HSD17B6: variants seen among roughly 807,000 people sequenced by gnomAD.
HSD17B6 encodes 17-beta-hydroxysteroid dehydrogenase type 6.
HSD17B6 carries 16 observed loss-of-function variants against 26.4 expected under a neutral mutation model. That is an observed-to-expected ratio of 0.61 (90% confidence interval 0.41 to 0.92). The LOEUF (loss-of-function observed/expected upper bound fraction) is 0.92. Ranked by LOEUF, HSD17B6 falls within the 40% of genes least tolerant of loss-of-function variation. The pLI, the probability that HSD17B6 is intolerant of heterozygous loss-of-function variation, is 0.00. For synonymous variants in HSD17B6, 139 were observed against 153.0 expected (o/e 0.91, Z 0.68); for missense variants, 357 against 386.1 (o/e 0.92, Z 0.63).
At chr12:56,783,667 G>A (rs1477021158) in intron 3 of HSD17B6, among the ~76,000 whole-genome samples, 5 of 118,896 alleles carry the variant, frequency 4.2e-5, no homozygotes, top group East Asian at 2.2e-4. Context: ...CCTCTCGGAC[G>A]GGACGGCTGG....
intron 1 of HSD17B6, among the ~76,000 whole-genome samples, chr12:56,769,608 G>A (rs1330389081): frequency 1.3e-5 from 2 of 152,192 alleles, no homozygotes; most frequent in African/African-American, 4.8e-5. Context: ...ACAATATGAT[G>A]TAAGAAAGCT....
chr12:56,777,597 A>C (rs912416709), intron 2 of HSD17B6, among the ~76,000 whole-genome samples: 1 of 152,132 alleles, frequency 6.6e-6, no homozygotes, highest in Non-Finnish European at 1.5e-5. Flanking sequence ...TCCTGACCTC[A>C]GGTGATCCGC....
Position 56,783,862 on chromosome 12 carries a change from C to T in HSD17B6, c.573-991C>T, listed in dbSNP as rs531945124. 6.5e-4 allele frequency among the ~76,000 whole-genome samples: 98 copies of T among 151,922 alleles called. 1 individual carries two copies. The highest frequency in any genetic ancestry group is 2.2e-3 in the African/African-American group (93 of 41,464). On this transcript the variant is annotated intron_variant, in intron 3 of 4. Transcript: ENST00000322165. ...GGAGGGGGTGGCTGCCGGGCGGAGA[C>T]GCTCCTCACTTCCCAGACGGGGTGG...
At chr12:56,783,643 A>AC (rs374504055) in intron 3 of HSD17B6, among the ~76,000 whole-genome samples, 14 of 115,542 alleles carry the variant, frequency 1.2e-4, no homozygotes, top group South Asian at 5.9e-4. Flanking sequence ...TGGGGGGCTG[A>AC]CCCCCCCCAC....
intron 3 of HSD17B6, among the ~76,000 whole-genome samples, chr12:56,783,136 C>T (rs1384216724): frequency 4.6e-5 from 7 of 152,178 alleles, no homozygotes; most frequent in Admixed American, 6.5e-5. Context: ...CATCATGGCC[C>T]GTTCTCAATG....
At chr12:56,775,592 A>G (rs1238396771) in intron 2 of HSD17B6, among the ~76,000 whole-genome samples, 2 of 152,166 alleles carry the variant, frequency 1.3e-5, no homozygotes, top group Admixed American at 6.6e-5. Flanking sequence ...AGGTTTATAG[A>G]AAATTGAACA....
chr12:56,773,948 CTT>C lies in HSD17B6; in HGVS notation c.98_99del (p.Phe33TyrfsTer5), dbSNP rs763552156. 2.5e-6 allele frequency: 4 copies of C among 1,614,020 alleles called. No individual in the cohort carries two copies. Among genetic ancestry groups the C allele is most frequent in the Non-Finnish European group, 3.4e-6 (4 of 1,180,014 alleles). ...TGAGCCACCTCCAAGACAAGTATGT[CTT>C]TATCACGGGCTGTGACTCGGGCTTT... ...VVSHLQDKYV[F>X]ITGCDSGFGN... On this transcript the variant is annotated frameshift_variant, in exon 2 of 5. Transcript: ENST00000322165. LOFTEE classifies it high-confidence loss of function.
chr12:56,779,531 A>G (rs1954667778), intron 2 of HSD17B6, among the ~76,000 whole-genome samples: 1 of 151,972 alleles, frequency 6.6e-6, no homozygotes, highest in Non-Finnish European at 1.5e-5. Context: ...TTTTGAATTG[A>G]TTGAATTTTT....
chr12:56,770,652 G>A (rs190149595), intron 1 of HSD17B6: 97 of 152,154 alleles, frequency 6.4e-4, no homozygotes, highest in African/African-American at 2.0e-3. Context: ...ACTGGGCCAG[G>A]TGCAGACTAA....
chr12:56,764,817 G>T (rs777065385), intron 1 of HSD17B6, among the ~76,000 whole-genome samples: 1 of 152,080 alleles, frequency 6.6e-6, no homozygotes, highest in South Asian at 2.1e-4. Context: ...CTATGCTCAT[G>T]ATTCTATTTT....
rs1954312352 is a variant in HSD17B6, at chr12:56,765,697, A to G, written c.-20+2283A>G. On this transcript the variant is annotated intron_variant, in intron 1 of 4. Coordinates refer to ENST00000322165, the MANE Select transcript of HSD17B6 (RefSeq NM_003725.4). Reference sequence around the variant, plus strand: ...TGCCTAGTTTTTGTATTTTTTGTAGAGATGGGATTTTGCCATGTTGCTCAG... The same window carrying G: ...TGCCTAGTTTTTGTATTTTTTGTAGGGATGGGATTTTGCCATGTTGCTCAG... Among the ~76,000 whole-genome samples the G allele has an allele frequency of 2.0e-5, 3 of 150,864 alleles. No individual in the cohort carries two copies. The Admixed American group carries it at 2.0e-4, about 10-fold the overall frequency.
intron 1 of HSD17B6, 32 bp from the exon 2 acceptor site, chr12:56,773,802 G>T: frequency 6.7e-7 from 1 of 1,500,384 alleles, no homozygotes; most frequent in South Asian, 1.4e-5. Flanking sequence ...AAATAATAAG[G>T]AAGGAATAAA....
chr12:56,767,930 C>T lies in HSD17B6; in HGVS notation c.-20+4516C>T, dbSNP rs75916147. 8.0e-3 allele frequency among the ~76,000 whole-genome samples: 1,203 copies of T among 150,712 alleles called. 17 individuals carry two copies. Among genetic ancestry groups the T allele is most frequent in the African/African-American group, 0.028 (1,155 of 41,012 alleles). On this transcript the variant is annotated intron_variant, in intron 1 of 4. Coordinates refer to ENST00000322165, the MANE Select transcript of HSD17B6 (RefSeq NM_003725.4). Reference sequence around the variant, plus strand: ...TACACACACGTATACAATATACACACACACACATATATATGTGTGAAACCA... The same window carrying T: ...TACACACACGTATACAATATACACATACACACATATATATGTGTGAAACCA...
chr12:56,771,586 G>A lies in HSD17B6; in HGVS notation c.-19-2248G>A, dbSNP rs140146590. ...CGATTCTCCTGCCTCAGCCTCCCAA[G>A]TAGCTGGGATTACAGGCGCCCACAA... is the stretch of plus-strand genomic sequence containing the variant. On this transcript the variant is annotated intron_variant, in intron 1 of 4. Coordinates refer to ENST00000322165, the MANE Select transcript of HSD17B6 (RefSeq NM_003725.4). 3.0e-4 allele frequency among the ~76,000 whole-genome samples: 45 copies of A among 151,088 alleles called. No individual in the cohort carries two copies. In the East Asian group the frequency reaches 5.1e-3, roughly 17 times the overall value.
At chr12:56,771,448 A>ATTTTTTTTTTTTTTTT (rs35374137) in intron 1 of HSD17B6, among the ~76,000 whole-genome samples, 2 of 93,328 alleles carry the variant, frequency 2.1e-5, no homozygotes, top group Non-Finnish European at 2.1e-5. Context: ...AAGGGTTGCA[A>ATTTTTTTTTTTTTTTT]TTTTTTTTTT....
intron 1 of HSD17B6, among the ~76,000 whole-genome samples, chr12:56,769,262 C>T (rs1954417804): frequency 6.6e-6 from 1 of 152,050 alleles, no homozygotes; most frequent in Non-Finnish European, 1.5e-5. Context: ...CCACCACACT[C>T]AGCTAATTTT....
Position 56,782,114 on chromosome 12 carries a change from G to C in HSD17B6, c.454G>C (p.Val152Leu), listed in dbSNP as rs1954729908. 1 of 1,614,178 alleles carries C rather than the reference G, an allele frequency of 6.2e-7. No homozygotes were observed. Among genetic ancestry groups the C allele is most frequent in the Non-Finnish European group, 8.5e-7 (1 of 1,180,046 alleles). The change falls in exon 3 of 5, where the codon GTG (valine) becomes CTG (leucine). Residue 152 changes from valine to leucine, a missense_variant. By Grantham distance (32) the Val-to-Leu change is conservative (BLOSUM62 1). Coordinates refer to ENST00000322165, the MANE Select transcript of HSD17B6 (RefSeq NM_003725.4). ...GGTGACCTTGAGCATGCTTCCTTTG[G>C]TGAGGAGAGCACGGGGAAGAATTGT... ...IQVTLSMLPL[V>L]RRARGRIVNV...
At chr12:56,785,986 C>T (rs1203524390) in intron 4 of HSD17B6, 6 of 983,328 alleles carry the variant, frequency 6.1e-6, no homozygotes, top group African/African-American at 5.3e-5. Flanking sequence ...GTAGCAGCAG[C>T]GGTGAAAAAT....
intron 1 of HSD17B6, among the ~76,000 whole-genome samples, chr12:56,771,195 C>T (rs1954464988): frequency 6.6e-6 from 1 of 152,152 alleles, no homozygotes; most frequent in Non-Finnish European, 1.5e-5. Flanking sequence ...ATCTTCTCCT[C>T]CTTCTGTTCC....
Sources: allele counts gnomAD v4.1 joint callset (sites outside exome capture counted in the v4.1 genomes callset), GRCh38; gene constraint gnomAD v4.1.1; transcripts MANE v1.5; gene names NCBI Gene and HGNC (gene_info 2026-07-23, HGNC 2026-07-21).